Variants in VEPH1 observed in about 807,000 individuals in gnomAD.
VEPH1 encodes the protein ventricular zone-expressed PH domain-containing protein homolog 1.
Under a neutral mutation model 85.2 loss-of-function variants are expected in VEPH1, and 80 were observed. That is an observed-to-expected ratio of 0.94 (90% CI 0.78 to 1.13). VEPH1 has a LOEUF of 1.13. Among genes scored for constraint, VEPH1 ranks in the 50% most tolerant of loss-of-function variants. The pLI, the probability that VEPH1 is intolerant of heterozygous loss-of-function variation, is 0.00. For synonymous variants in VEPH1, 297 were observed against 348.0 expected (o/e 0.85, Z 1.63); for missense variants, 955 against 980.5 (o/e 0.97, Z 0.35).
At chr3:157,416,951 A>G (rs1318982561) in intron 5 of VEPH1, among the ~76,000 whole-genome samples, 1 of 152,078 alleles carries the variant, frequency 6.6e-6, no homozygotes. Context: ...GGAAAGAAAG[A>G]AGCTCAAGGC....
chr3:157,391,700 G>A (rs754727830), intron 6 of VEPH1, among the ~76,000 whole-genome samples: 2 of 151,952 alleles, frequency 1.3e-5, no homozygotes, highest in Non-Finnish European at 2.9e-5. Flanking sequence ...TCCTAATCTT[G>A]CTAGAGAGGT....
At chr3:157,464,533 C>T (rs1377432781) in intron 3 of VEPH1, among the ~76,000 whole-genome samples, 2 of 152,186 alleles carry the variant, frequency 1.3e-5, no homozygotes, top group African/African-American at 2.4e-5. Context: ...CAGTTTGGTG[C>T]TGAGGGAACA....
Position 157,470,341 on chromosome 3 carries a change from T to C in VEPH1, c.327A>G (p.Ala109=). The C allele has an allele frequency of 6.2e-7, 1 of 1,614,128 alleles. No homozygotes were observed. The highest frequency in any genetic ancestry group is 2.2e-5 in the East Asian group (1 of 44,864). The change falls in exon 3 of 14, where the codon GCA becomes GCG. Residue 109 remains alanine (A), a synonymous_variant. Coordinates refer to ENST00000362010, the MANE Select transcript of VEPH1 (RefSeq NM_001167912.2). ...KDEDTPHAKI[A]SDIMSCILQN... ...GTAAAATGCAACTCATGATATCAGA[T>C]GCGATTTTTGCATGAGGAGTGTCTT...
chr3:157,437,686 C>T (rs1417883375), intron 4 of VEPH1: 8 of 1,533,884 alleles, frequency 5.2e-6, no homozygotes, highest in Non-Finnish European at 7.0e-6. Flanking sequence ...CCTGGCGAGG[C>T]CGTGCGCGCC....
At chr3:157,390,071 C>A (rs1042766537) in intron 6 of VEPH1, among the ~76,000 whole-genome samples, 4 of 152,188 alleles carry the variant, frequency 2.6e-5, no homozygotes, top group African/African-American at 9.7e-5. Flanking sequence ...TGACCCAACT[C>A]AGGTGTGCAG....
At chr3:157,347,394 A>G (rs1312571173) in intron 9 of VEPH1, among the ~76,000 whole-genome samples, 1 of 152,220 alleles carries the variant, frequency 6.6e-6, no homozygotes, top group Non-Finnish European at 1.5e-5. Flanking sequence ...AGATTCAGAG[A>G]GATGTAGAGA....
chr3:157,349,518 G>C (rs76922208), intron 9 of VEPH1, among the ~76,000 whole-genome samples: 1 of 151,646 alleles, frequency 6.6e-6, no homozygotes, highest in Non-Finnish European at 1.5e-5. Context: ...ACCTAGTACT[G>C]GAAGTCTTAG....
intron 12 of VEPH1, among the ~76,000 whole-genome samples, chr3:157,269,134 C>A (rs919642850): frequency 6.6e-6 from 1 of 152,126 alleles, no homozygotes; most frequent in African/African-American, 2.4e-5. Context: ...TACATGGATC[C>A]TTTTGGATCT....
intron 3 of VEPH1, among the ~76,000 whole-genome samples, chr3:157,468,424 A>C (rs769834270): frequency 6.6e-5 from 10 of 152,072 alleles, no homozygotes; most frequent in Admixed American, 4.6e-4. Context: ...AATATACAAA[A>C]ATTAGCCACG....
chr3:157,437,026 C>T, intron 4 of VEPH1: 1 of 1,614,064 alleles, frequency 6.2e-7, no homozygotes, highest in Non-Finnish European at 8.5e-7. Flanking sequence ...TGAATTTGGA[C>T]AACGAAATAG....
chr3:157,359,243 ATG>A (rs1290734199), intron 9 of VEPH1, among the ~76,000 whole-genome samples: 2 of 152,196 alleles, frequency 1.3e-5, no homozygotes, highest in Non-Finnish European at 2.9e-5. Flanking sequence ...TTACAATATC[ATG>A]TGTGTGTTTT....
At chr3:157,375,062 C>T (rs1727934423) in intron 7 of VEPH1, among the ~76,000 whole-genome samples, 1 of 152,158 alleles carries the variant, frequency 6.6e-6, no homozygotes, top group South Asian at 2.1e-4. Flanking sequence ...TTTGTTCTTG[C>T]CTGTCTGCAA....
intron 6 of VEPH1, among the ~76,000 whole-genome samples, chr3:157,408,335 G>A (rs1731289103): frequency 6.6e-6 from 1 of 152,014 alleles, no homozygotes; most frequent in Non-Finnish European, 1.5e-5. Flanking sequence ...GATTGTATAA[G>A]CTCAGAAGTA....
chr3:157,273,532 AAAG>A (rs1577207633), intron 12 of VEPH1, among the ~76,000 whole-genome samples: 1 of 152,218 alleles, frequency 6.6e-6, no homozygotes, highest in Non-Finnish European at 1.5e-5. Flanking sequence ...TGAGCCAAAA[AAAG>A]AAGTAAAAAA....
chr3:157,276,882 A>G (rs1452946145), intron 12 of VEPH1, among the ~76,000 whole-genome samples: 1 of 137,926 alleles, frequency 7.3e-6, no homozygotes, highest in East Asian at 2.2e-4. Flanking sequence ...GAGAGTGGCA[A>G]TGAAGAAGAT....
At chr3:157,307,208 A>G (rs566531641) in intron 11 of VEPH1, among the ~76,000 whole-genome samples, 1 of 152,044 alleles carries the variant, frequency 6.6e-6, no homozygotes, top group African/African-American at 2.4e-5. Context: ...CTATATATAT[A>G]TATATGTTCT....
At chr3:157,409,043 C>T (rs1308716244) in intron 6 of VEPH1, among the ~76,000 whole-genome samples, 2 of 152,112 alleles carry the variant, frequency 1.3e-5, no homozygotes, top group Middle Eastern at 3.4e-3. Flanking sequence ...AGACAGGTTT[C>T]GTTTATTATA....
At chr3:157,392,052 T>G (rs1729909371) in intron 6 of VEPH1, among the ~76,000 whole-genome samples, 1 of 152,288 alleles carries the variant, frequency 6.6e-6, no homozygotes, top group Middle Eastern at 3.4e-3. Context: ...TTGTTAACAC[T>G]AGATCAGCCT....
intron 7 of VEPH1, among the ~76,000 whole-genome samples, chr3:157,377,892 T>G (rs1194137334): frequency 6.7e-6 from 1 of 150,092 alleles, no homozygotes; most frequent in Non-Finnish European, 1.5e-5. Context: ...GATGCCTATG[T>G]AACACACTTA....
Sources: gnomAD v4.1 joint callset for allele counts (sites outside exome capture counted in the v4.1 genomes callset) on GRCh38, gnomAD v4.1.1 for gene constraint, MANE v1.5 for transcripts, NCBI Gene and HGNC (gene_info 2026-07-23, HGNC 2026-07-21) for gene names.